Variants in ZNF385D observed in about 807,000 individuals in gnomAD.
The protein encoded by ZNF385D is zinc finger protein 659.
A neutral mutation model predicts 35.8 loss-of-function variants in ZNF385D; 15 were observed. The observed-to-expected ratio is 0.42, with a 90% CI of 0.28 to 0.64. The LOEUF is 0.64. Among genes scored for constraint, ZNF385D ranks in the 30% least tolerant of loss-of-function variants. The pLI is 0.23. For missense variants in ZNF385D, 474 were observed against 494.6 expected (o/e 0.96, Z 0.39); for synonymous variants, 212 against 186.8 (o/e 1.13, Z -1.10).
intron 3 of ZNF385D, among the ~76,000 whole-genome samples, chr3:21,563,038 A>ATTAT (rs2063011160): frequency 6.6e-6 from 1 of 152,158 alleles, no homozygotes; most frequent in African/African-American, 2.4e-5. Flanking sequence ...GTATGGTCTG[A>ATTAT]TTATTTGTAT....
At chr3:21,761,049 C>T (rs549502325) in intron 3 of ZNF385D, among the ~76,000 whole-genome samples, 10 of 152,070 alleles carry the variant, frequency 6.6e-5, no homozygotes, top group Non-Finnish European at 1.3e-4. Context: ...GAATAGCCAC[C>T]TGCCATGCTA....
At chr3:22,031,362 G>T (rs1697991495) in intron 3 of ZNF385D, among the ~76,000 whole-genome samples, 1 of 152,194 alleles carries the variant, frequency 6.6e-6, no homozygotes, top group East Asian at 1.9e-4. Flanking sequence ...GGACATCCAG[G>T]TATTTGTCTA....
intron 2 of ZNF385D, among the ~76,000 whole-genome samples, chr3:22,299,055 G>A (rs1274219003): frequency 5.9e-5 from 9 of 151,880 alleles, no homozygotes; most frequent in African/African-American, 2.2e-4. Context: ...CAAATTTTGT[G>A]AGCTTGTGTC....
chr3:21,932,830 C>T (rs1174586345), intron 3 of ZNF385D, among the ~76,000 whole-genome samples: 2 of 152,034 alleles, frequency 1.3e-5, no homozygotes, highest in African/African-American at 4.8e-5. Flanking sequence ...TATGCTTGTT[C>T]GTTTTCATAG....
chr3:21,654,697 T>C (rs547299173), intron 2 of ZNF385D, among the ~76,000 whole-genome samples: 1 of 152,074 alleles, frequency 6.6e-6, no homozygotes, highest in African/African-American at 2.4e-5. Flanking sequence ...TAAAATGAAA[T>C]AGACTTACAA....
intron 3 of ZNF385D, among the ~76,000 whole-genome samples, chr3:21,802,111 T>A (rs563829275): frequency 6.6e-6 from 1 of 152,274 alleles, no homozygotes; most frequent in South Asian, 2.1e-4. Flanking sequence ...ATCTATACAT[T>A]TCCATAAAGA....
chr3:22,310,545 T>C (rs1703481344), intron 2 of ZNF385D, among the ~76,000 whole-genome samples: 2 of 152,012 alleles, frequency 1.3e-5, no homozygotes, highest in Admixed American at 6.6e-5. Flanking sequence ...TGCTGGTTAG[T>C]TGCTCAAGGT....
intron 3 of ZNF385D, among the ~76,000 whole-genome samples, chr3:21,976,115 G>A (rs921205250): frequency 1.3e-5 from 2 of 152,096 alleles, no homozygotes; most frequent in Non-Finnish European, 2.9e-5. Context: ...CCTTACTGAA[G>A]CTGCAGACTA....
intron 3 of ZNF385D, among the ~76,000 whole-genome samples, chr3:22,091,245 G>A (rs559523382): frequency 6.6e-6 from 1 of 152,234 alleles, no homozygotes; most frequent in East Asian, 1.9e-4. Context: ...GGAGATACCA[G>A]AGCCTACTGG....
chr3:21,801,324 A>C (rs2072389424), intron 3 of ZNF385D, among the ~76,000 whole-genome samples: 1 of 152,114 alleles, frequency 6.6e-6, no homozygotes. Context: ...TATCAGGGTA[A>C]TACTGGACCC....
At chr3:22,008,089 T>C (rs1026288077) in intron 3 of ZNF385D, among the ~76,000 whole-genome samples, 1 of 152,046 alleles carries the variant, frequency 6.6e-6, no homozygotes, top group Middle Eastern at 3.2e-3. Flanking sequence ...AATTTTACTT[T>C]TTACATGATG....
At chr3:22,073,566 G>C (rs776143963) in intron 3 of ZNF385D, among the ~76,000 whole-genome samples, 2 of 151,898 alleles carry the variant, frequency 1.3e-5, no homozygotes, top group Non-Finnish European at 2.9e-5. Context: ...GAATAAAAAA[G>C]CAAGGGTTCT....
intron 3 of ZNF385D, among the ~76,000 whole-genome samples, chr3:22,112,028 A>G (rs576229687): frequency 2.3e-4 from 35 of 152,210 alleles, no homozygotes; most frequent in African/African-American, 7.9e-4. Flanking sequence ...ACCCTGCTCT[A>G]CTCTAATCTT....
At chr3:21,972,339 G>T (rs978592960) in intron 3 of ZNF385D, among the ~76,000 whole-genome samples, 2 of 151,814 alleles carry the variant, frequency 1.3e-5, no homozygotes, top group Non-Finnish European at 2.9e-5. Flanking sequence ...ATGACCAGTG[G>T]GTCAATGAAG....
chr3:21,418,635 G>A lies in ZNF385D; in HGVS notation c.*2579C>T, dbSNP rs1451965233. 1 of 152,150 alleles carries A rather than the reference G, an allele frequency of 6.6e-6. No individual in the cohort carries two copies. The highest frequency in any genetic ancestry group is 1.5e-5 in the Non-Finnish European group (1 of 68,004). The allele number at this position is 152,150 out of a possible 1,614,324, so 9.4% of individuals were successfully genotyped here. A position where few individuals can be genotyped will look rare whatever the true frequency, so the allele number is the denominator to read the frequency against. On this transcript the variant is annotated 3_prime_UTR_variant, in exon 8 of 8. Coordinates refer to ENST00000281523, the MANE Select transcript of ZNF385D (RefSeq NM_024697.3). Reference sequence around the variant, plus strand: ...AAATCATTAAAGACAGTAATGCCTTGTGACCCAGGACACTGTGTATCCCAT... The same window carrying A: ...AAATCATTAAAGACAGTAATGCCTTATGACCCAGGACACTGTGTATCCCAT...
intron 2 of ZNF385D, among the ~76,000 whole-genome samples, chr3:22,205,102 G>T (rs910121847): frequency 6.6e-6 from 1 of 151,176 alleles, no homozygotes; most frequent in Non-Finnish European, 1.5e-5. Flanking sequence ...ATAAGGAAAA[G>T]ATTCTAAAAG....
chr3:21,565,822 A>C (rs144802240), intron 2 of ZNF385D, among the ~76,000 whole-genome samples: 2 of 152,330 alleles, frequency 1.3e-5, no homozygotes, highest in African/African-American at 4.8e-5. Context: ...ATAGATTGAG[A>C]TAGATCAGAA....
chr3:22,115,985 T>C (rs1053465715), intron 3 of ZNF385D, among the ~76,000 whole-genome samples: 3 of 152,180 alleles, frequency 2.0e-5, no homozygotes, highest in African/African-American at 7.2e-5. Context: ...AGCTAAATAA[T>C]GACCTACTGG....
chr3:22,307,198 G>A (rs1703273620), intron 2 of ZNF385D, among the ~76,000 whole-genome samples: 1 of 152,128 alleles, frequency 6.6e-6, no homozygotes, highest in Non-Finnish European at 1.5e-5. Context: ...AAAAGCCCTG[G>A]TGGGGTGGGG....
Sources: allele counts gnomAD v4.1 joint callset (sites outside exome capture counted in the v4.1 genomes callset), GRCh38; gene constraint gnomAD v4.1.1; transcripts MANE v1.5; gene names NCBI Gene and HGNC (gene_info 2026-07-23, HGNC 2026-07-21).